Variants in ANKS1A observed in about 807,000 individuals in gnomAD.
ANKS1A encodes the protein ankyrin repeat and sterile alpha motif domain containing 1A.
ANKS1A carries 55 observed loss-of-function variants against 120.3 expected under a neutral mutation model. That is an observed-to-expected ratio of 0.46 (90% CI 0.37 to 0.57). ANKS1A has a LOEUF of 0.57. ANKS1A is among the 20% of genes least tolerant of loss of function. The probability of loss-of-function intolerance (pLI) is 0.00; values close to 1 mark genes in which losing one functional copy is unlikely to be tolerated. For synonymous variants in ANKS1A, 590 were observed against 604.7 expected, an observed-to-expected ratio of 0.98 and a Z score of 0.36; for missense variants, 1,123 against 1,480.3, an observed-to-expected ratio of 0.76 and a Z score of 3.96.
chr6:34,930,400 C>G (rs1405618468), intron 1 of ANKS1A, among the ~76,000 whole-genome samples: 3 of 152,194 alleles, frequency 2.0e-5, no homozygotes, highest in African/African-American at 7.2e-5. Context: ...CTATGTGGTG[C>G]TGCCAGCCCA....
chr6:34,958,749 A>T (rs1430337900), intron 1 of ANKS1A, among the ~76,000 whole-genome samples: 1 of 152,174 alleles, frequency 6.6e-6, no homozygotes, highest in East Asian at 1.9e-4. Context: ...GAGACTACTC[A>T]GGGGACAGTG....
At chr6:35,083,538 G>A (rs772247882) in intron 20 of ANKS1A, 35 bp downstream of exon 20, 1 of 1,602,690 alleles carries the variant, frequency 6.2e-7, no homozygotes, top group Non-Finnish European at 8.5e-7. Flanking sequence ...GTGGGAGTGG[G>A]ACCCACATCC....
chr6:34,962,671 C>A (rs1770699509), intron 1 of ANKS1A, among the ~76,000 whole-genome samples: 2 of 151,752 alleles, frequency 1.3e-5, no homozygotes, highest in Admixed American at 6.6e-5. Context: ...CGCCTGTAGT[C>A]CCAGCTACTC....
At chr6:34,936,913 G>T (rs540527211) in intron 1 of ANKS1A, among the ~76,000 whole-genome samples, 1 of 152,144 alleles carries the variant, frequency 6.6e-6, no homozygotes, top group Non-Finnish European at 1.5e-5. Context: ...ATTTGATCCG[G>T]TATCTACTAT....
At chr6:34,899,118 CAT>C (rs1767228761) in intron 1 of ANKS1A, among the ~76,000 whole-genome samples, 2 of 152,216 alleles carry the variant, frequency 1.3e-5, no homozygotes, top group Admixed American at 6.5e-5. Context: ...TTTGAGGACT[CAT>C]AGTAATTCTG....
At chr6:34,901,508 T>C (rs1309580157) in intron 1 of ANKS1A, among the ~76,000 whole-genome samples, 1 of 152,104 alleles carries the variant, frequency 6.6e-6, no homozygotes, top group Non-Finnish European at 1.5e-5. Context: ...GAGGTGGGGT[T>C]TTTTTTGTTG....
intron 10 of ANKS1A, among the ~76,000 whole-genome samples, chr6:35,004,267 T>C (rs2127546622): frequency 6.6e-6 from 1 of 152,256 alleles, no homozygotes; most frequent in East Asian, 1.9e-4. Context: ...CTTCACTATC[T>C]TGGTGTCTGA....
At chr6:34,927,968 A>AT (rs1046365247) in intron 1 of ANKS1A, among the ~76,000 whole-genome samples, 2 of 152,070 alleles carry the variant, frequency 1.3e-5, no homozygotes, top group African/African-American at 4.8e-5. Context: ...CAAGGCTGGC[A>AT]TTTTCCCCAT....
chr6:35,032,662 G>T (rs1484049116), intron 11 of ANKS1A, among the ~76,000 whole-genome samples: 3 of 152,142 alleles, frequency 2.0e-5, no homozygotes, highest in African/African-American at 4.8e-5. Flanking sequence ...ATAGGTATCT[G>T]TTTTTCTTCT....
chr6:34,924,057 A>G (rs1768575471), intron 1 of ANKS1A, among the ~76,000 whole-genome samples: 1 of 150,932 alleles, frequency 6.6e-6, no homozygotes. Flanking sequence ...CCCAGGATCT[A>G]TTGCACTTGA....
chr6:35,090,477 C>T lies in ANKS1A; in HGVS notation c.*1868C>T, dbSNP rs1224965645. Reference sequence around the variant, plus strand: ...AAGCTGTCTTTTGTGCTTAGATCATCCATAGGTGTTTCTTCTGCTTGAAGC... The same window carrying T: ...AAGCTGTCTTTTGTGCTTAGATCATTCATAGGTGTTTCTTCTGCTTGAAGC... On this transcript the variant is annotated 3_prime_UTR_variant, in exon 24 of 24. Transcript: ENST00000360359. 3.3e-5 allele frequency: 37 copies of T among 1,122,978 alleles called. No individual in the cohort carries two copies. The East Asian group carries it at 1.1e-3, about 35-fold the overall frequency. The allele number at this position is 1,122,978 out of a possible 1,614,324, so 69.6% of individuals were successfully genotyped here. A position where few individuals can be genotyped will look rare whatever the true frequency, so the allele number is the denominator to read the frequency against.
intron 13 of ANKS1A, among the ~76,000 whole-genome samples, chr6:35,064,756 C>G (rs745869025): frequency 1.3e-5 from 2 of 152,246 alleles, no homozygotes; most frequent in African/African-American, 2.4e-5. Context: ...GCACCATTAT[C>G]AGAATGGTCA....
At chr6:35,023,617 C>A in intron 11 of ANKS1A, 2 of 482,760 alleles carry the variant, frequency 4.1e-6, no homozygotes, top group South Asian at 1.6e-5. Context: ...GGCATTATGC[C>A]TCCAGGAAAA....
intron 10 of ANKS1A, among the ~76,000 whole-genome samples, chr6:35,011,564 C>T (rs1996912): frequency 0.54 from 81,635 of 152,080 alleles, 25,388 homozygotes; most frequent in Non-Finnish European, 0.69. Context: ...TGGGCTATAC[C>T]TATGGGCCCC....
rs777015786 is a variant in ANKS1A, at chr6:34,985,290, G to A, written c.1209+12G>A. ...CTGGAGTGAGGCCTGTATGTGACCC[G>A]GGGCTTACACCTCCTGGGGGCTGTG... On this transcript the variant is annotated intron_variant, in intron 8 of 23. Transcript: ENST00000360359. 8.1e-6 allele frequency: 13 copies of A among 1,610,762 alleles called. No homozygotes were observed. Among genetic ancestry groups the A allele is most frequent in the African/African-American group, 6.7e-5 (5 of 74,854 alleles).
intron 13 of ANKS1A, among the ~76,000 whole-genome samples, chr6:35,076,709 A>G (rs952930062): frequency 1.3e-5 from 2 of 152,064 alleles, no homozygotes; most frequent in South Asian, 2.1e-4. Flanking sequence ...GCTCACTGTA[A>G]CCTCTGCCTC....
At chr6:34,941,061 T>C (rs2127483188) in intron 1 of ANKS1A, among the ~76,000 whole-genome samples, 1 of 152,230 alleles carries the variant, frequency 6.6e-6, no homozygotes. Flanking sequence ...CCATCTTGGC[T>C]CACTGCAACT....
chr6:35,095,334 A>T (rs1778428833), downstream of ANKS1A, among the ~76,000 whole-genome samples: 1 of 151,988 alleles, frequency 6.6e-6, no homozygotes, highest in African/African-American at 2.4e-5. Context: ...GCACTTTGGG[A>T]GGCTGAGACA....
At chr6:34,910,131 G>A (rs1767836204) in intron 1 of ANKS1A, among the ~76,000 whole-genome samples, 1 of 152,236 alleles carries the variant, frequency 6.6e-6, no homozygotes, top group Non-Finnish European at 1.5e-5. Flanking sequence ...AGTGCAAAAT[G>A]ATTAGGGCCT....
Sources: allele counts gnomAD v4.1 joint callset (sites outside exome capture counted in the v4.1 genomes callset), GRCh38; gene constraint gnomAD v4.1.1; transcripts MANE v1.5; gene names NCBI Gene and HGNC (gene_info 2026-07-23, HGNC 2026-07-21).